Variants in HSP90AA1 observed in about 807,000 individuals in gnomAD.
HSP90AA1 encodes heat shock protein 90 alpha family class A member 1, also known as heat shock protein HSP 90-alpha.
Under a neutral mutation model 73.3 loss-of-function variants are expected in HSP90AA1, and 18 were observed. That is an observed-to-expected ratio of 0.25 (90% CI 0.17 to 0.36). The LOEUF (loss-of-function observed/expected upper bound fraction) is 0.36, where lower values mean the gene tolerates loss of function less well. HSP90AA1 is among the 10% of genes least tolerant of loss of function. The pLI is 1.00. For synonymous variants in HSP90AA1, 477 were observed against 296.9 expected (o/e 1.61, Z -6.24); for missense variants, 704 against 874.2 (o/e 0.81, Z 2.45).
chr14:102,125,000 T>C (rs2049823567), intron 1 of HSP90AA1, among the ~76,000 whole-genome samples: 1 of 152,112 alleles, frequency 6.6e-6, no homozygotes, highest in African/African-American at 2.4e-5. Flanking sequence ...TAATCTTTAT[T>C]TATTTTTTTG....
rs369480399 is a variant in HSP90AA1, at chr14:102,082,536, G to A, written c.1756-92C>T. On this transcript the variant is annotated intron_variant, in intron 9 of 10. Transcript: ENST00000216281. ...AATCTGTAGAACCCAAATTTCAATAGATCCAAAATACTATCTACTGTCAAA... is the reference window on the plus strand; with the variant it reads ...AATCTGTAGAACCCAAATTTCAATAAATCCAAAATACTATCTACTGTCAAA... The A allele has an allele frequency of 3.6e-5, 33 of 908,038 alleles. No individual in the cohort carries two copies. In the African/African-American group the frequency reaches 5.1e-4, roughly 14 times the overall value. 56.2% of individuals were successfully genotyped at this position (908,038 alleles called of 1,614,324 possible).
At chr14:102,087,113 G>A (rs1299615608), upstream of HSP90AA1, 6 of 984,212 alleles carry the variant, frequency 6.1e-6, no homozygotes, top group Non-Finnish European at 7.2e-6. Context: ...TTTTCCAGAA[G>A]CCTCCCGAAC....
At position 102,086,137 on chromosome 14, in the gene HSP90AA1, A is replaced by G. The variant is rs761722082; in HGVS notation, c.163-13T>C. Reference sequence around the variant, plus strand: ...TTTTGTCCAATGCCTGTTAACAAAAAATATTAATTTAAGCATACAGCACCC... The same window carrying G: ...TTTTGTCCAATGCCTGTTAACAAAAGATATTAATTTAAGCATACAGCACCC... On this transcript the variant is annotated splice_polypyrimidine_tract_variant and intron_variant, in intron 2 of 10. Transcript: ENST00000216281. The G allele has an allele frequency of 4.3e-6, 7 of 1,614,158 alleles. No individual in the cohort carries two copies. In the South Asian group the frequency reaches 7.7e-5, roughly 18 times the overall value.
chr14:102,095,360 A>G (rs1595666047), intron 2 of HSP90AA1, among the ~76,000 whole-genome samples: 1 of 151,266 alleles, frequency 6.6e-6, no homozygotes, highest in African/African-American at 2.4e-5. Context: ...GGGTGGCGGG[A>G]CTCTTTCTTC....
At chr14:102,107,689 A>T (rs2049586776) in intron 1 of HSP90AA1, among the ~76,000 whole-genome samples, 1 of 152,036 alleles carries the variant, frequency 6.6e-6, no homozygotes, top group Admixed American at 6.6e-5. Flanking sequence ...TATGGCAAGT[A>T]CTAGCAAGGA....
chr14:102,122,834 A>AT (rs1331215461), intron 1 of HSP90AA1, among the ~76,000 whole-genome samples: 1 of 149,782 alleles, frequency 6.7e-6, no homozygotes, highest in Non-Finnish European at 1.5e-5. Flanking sequence ...TGCCCAGCTG[A>AT]TTTTTGTATT....
intron 1 of HSP90AA1, among the ~76,000 whole-genome samples, chr14:102,107,273 C>T (rs906587802): frequency 2.0e-5 from 3 of 151,966 alleles, no homozygotes; most frequent in African/African-American, 4.8e-5. Context: ...CTGTTAGAAT[C>T]CCTGTTTCCT....
At chr14:102,096,548 TG>T (rs1391816885) in intron 2 of HSP90AA1, among the ~76,000 whole-genome samples, 1 of 152,208 alleles carries the variant, frequency 6.6e-6, no homozygotes, top group South Asian at 2.1e-4. Flanking sequence ...AAGCTTGGCT[TG>T]GAAATCACCT....
intron 1 of HSP90AA1, among the ~76,000 whole-genome samples, chr14:102,132,173 C>T (rs921496281): frequency 6.6e-6 from 1 of 152,114 alleles, no homozygotes; most frequent in Admixed American, 6.6e-5. Context: ...TTGAGACCAT[C>T]CTGGCCAACA....
intron 2 of HSP90AA1, among the ~76,000 whole-genome samples, chr14:102,096,535 G>C (rs2049427455): frequency 1.3e-5 from 2 of 152,326 alleles, no homozygotes; most frequent in South Asian, 4.1e-4. Context: ...ATACGTGTCT[G>C]CCAAGCTTGG....
At chr14:102,108,258 G>C (rs1595671689) in intron 1 of HSP90AA1, among the ~76,000 whole-genome samples, 1 of 80,870 alleles carries the variant, frequency 1.2e-5, no homozygotes, top group Non-Finnish European at 2.4e-5. Context: ...GCGAGACCTT[G>C]TCTCCAAAAA....
intron 2 of HSP90AA1, among the ~76,000 whole-genome samples, chr14:102,092,649 G>C (rs1213402778): frequency 6.6e-6 from 1 of 152,158 alleles, no homozygotes; most frequent in Non-Finnish European, 1.5e-5. Flanking sequence ...GGGACCTGAG[G>C]AAACTTTTGG....
intron 2 of HSP90AA1, among the ~76,000 whole-genome samples, chr14:102,101,673 C>T (rs190884477): frequency 6.6e-6 from 1 of 152,338 alleles, no homozygotes; most frequent in East Asian, 1.9e-4. Flanking sequence ...AGGCAGGGAC[C>T]TGGGACTCTC....
rs746777106 is a variant in HSP90AA1 at position 102,084,673 on chromosome 14, T to C, written c.981+8A>G. 2 of 1,613,636 alleles carry C rather than the reference T, an allele frequency of 1.2e-6. No individual in the cohort carries two copies. Among genetic ancestry groups the C allele is most frequent in the Admixed American group, 1.7e-5 (1 of 59,958 alleles). Reference sequence around the variant, plus strand: ...AGGACAAGCTTGAAGCACCCATCAGTCACTCACCTTCACTGCCAAGTGATC... The same window carrying C: ...AGGACAAGCTTGAAGCACCCATCAGCCACTCACCTTCACTGCCAAGTGATC... On this transcript the variant is annotated splice_region_variant and intron_variant, in intron 5 of 10. Coordinates refer to ENST00000216281, the MANE Select transcript of HSP90AA1 (RefSeq NM_005348.4).
intron 1 of HSP90AA1, among the ~76,000 whole-genome samples, chr14:102,134,313 GCT>G (rs1311522004): frequency 7.7e-6 from 1 of 129,302 alleles, no homozygotes; most frequent in Non-Finnish European, 1.6e-5. Flanking sequence ...ACAGAGCAAG[GCT>G]CTGTCTCAAA....
At chr14:102,121,602 T>C (rs961534783) in intron 1 of HSP90AA1, among the ~76,000 whole-genome samples, 3 of 152,372 alleles carry the variant, frequency 2.0e-5, no homozygotes, top group Non-Finnish European at 4.4e-5. Context: ...GTGCCAACAT[T>C]AACATCTGTG....
At chr14:102,139,277 T>C in exon 1 of HSP90AA1, 2 of 1,614,064 alleles carry the variant, frequency 1.2e-6, no homozygotes, top group Non-Finnish European at 1.7e-6. Flanking sequence ...CGAGGAGGCT[T>C]CAGAGGGGCT....
rs562764182 is a variant in HSP90AA1 at position 102,111,249 on chromosome 14, T to G, written c.156-9164A>C. On this transcript the variant is annotated intron_variant, in intron 1 of 11. Coordinates refer to the HSP90AA1 transcript ENST00000334701. The stretch of plus-strand genomic sequence containing the variant: ...CCCTCCCATCACAGGCTTGGAGGCC[T>G]AGAAGGAAAAAATGGTTTTATGGGC... 6.6e-5 allele frequency among the ~76,000 whole-genome samples: 10 copies of G among 152,268 alleles called. No individual in the cohort carries two copies. The South Asian group carries it at 2.1e-3, about 32-fold the overall frequency.
At chr14:102,096,565 G>A (rs991978241) in intron 2 of HSP90AA1, among the ~76,000 whole-genome samples, 1 of 152,160 alleles carries the variant, frequency 6.6e-6, no homozygotes, top group Admixed American at 6.5e-5. Context: ...CACCTGCTCT[G>A]GCCAAATTCA....
Sources: gnomAD v4.1 joint callset for allele counts (sites outside exome capture counted in the v4.1 genomes callset) on GRCh38, gnomAD v4.1.1 for gene constraint, MANE v1.5 for transcripts, NCBI Gene and HGNC (gene_info 2026-07-23, HGNC 2026-07-21) for gene names.